CLEC16A: variants seen among roughly 807,000 people sequenced by gnomAD.
CLEC16A encodes the protein C-type lectin domain containing 16A.
Under a neutral mutation model 109.5 loss-of-function variants are expected in CLEC16A, and 51 were observed. The observed-to-expected ratio is 0.47, with a 90% CI of 0.37 to 0.59. The LOEUF is 0.59. Among genes scored for constraint, CLEC16A ranks in the 20% least tolerant of loss-of-function variants. CLEC16A has a pLI of 0.00. For synonymous variants in CLEC16A, 673 were observed against 564.2 expected (o/e 1.19, Z -2.73); for missense variants, 1,339 against 1,394.0 (o/e 0.96, Z 0.63).
chr16:11,166,763 C>A (rs531372014), intron 23 of CLEC16A, among the ~76,000 whole-genome samples: 215 of 152,284 alleles, frequency 1.4e-3, no homozygotes, highest in African/African-American at 4.8e-3. Flanking sequence ...AAGAATTGCT[C>A]CTTTTTCAGG....
intron 1 of CLEC16A, among the ~76,000 whole-genome samples, chr16:10,945,187 AATCT>A (rs1443111479): frequency 6.6e-6 from 1 of 152,176 alleles, no homozygotes; most frequent in Non-Finnish European, 1.5e-5. Context: ...TCTGGGTCCG[AATCT>A]ATCTGTGTGA....
At chr16:11,072,032 G>T (rs1168158018) in intron 19 of CLEC16A, among the ~76,000 whole-genome samples, 1 of 152,144 alleles carries the variant, frequency 6.6e-6, no homozygotes, top group Non-Finnish European at 1.5e-5. Flanking sequence ...ATAAAACTGT[G>T]TGTGTGTGCG....
chr16:11,049,412 A>G (rs2047814577), intron 17 of CLEC16A, among the ~76,000 whole-genome samples: 1 of 152,020 alleles, frequency 6.6e-6, no homozygotes. Context: ...ACAACAACAA[A>G]TACTCATGGG....
intron 22 of CLEC16A, among the ~76,000 whole-genome samples, chr16:11,127,679 G>A (rs2052922942): frequency 1.3e-5 from 2 of 152,024 alleles, no homozygotes; most frequent in Admixed American, 1.3e-4. Flanking sequence ...GACCAGCCTG[G>A]GCAACACAGT....
chr16:11,087,018 T>C (rs2050048255), intron 19 of CLEC16A, among the ~76,000 whole-genome samples: 1 of 152,234 alleles, frequency 6.6e-6, no homozygotes, highest in Non-Finnish European at 1.5e-5. Context: ...TCTTTGAATG[T>C]ACTCACAATT....
Position 11,181,098 on chromosome 16 carries a change from G to C in CLEC16A, c.*2408G>C, listed in dbSNP as rs2068940510. 1 of 152,242 alleles carries C rather than the reference G, an allele frequency of 6.6e-6. No homozygotes were observed. Among genetic ancestry groups the C allele is most frequent in the Non-Finnish European group, 1.5e-5 (1 of 68,060 alleles). The allele number at this position is 152,242 out of a possible 1,614,324, so 9.4% of individuals were successfully genotyped here. ...GGATTTCCTATAACCAGGGCTCCCAGAAGCTTTGCTTATGTAAGGAGGTCT... is the reference window on the plus strand; with the variant it reads ...GGATTTCCTATAACCAGGGCTCCCACAAGCTTTGCTTATGTAAGGAGGTCT... On this transcript the variant is annotated 3_prime_UTR_variant, in exon 24 of 24. Coordinates refer to ENST00000409790, the MANE Select transcript of CLEC16A (RefSeq NM_015226.3).
intron 19 of CLEC16A, among the ~76,000 whole-genome samples, chr16:11,068,738 C>G (rs2048899395): frequency 6.6e-6 from 1 of 152,230 alleles, no homozygotes. Flanking sequence ...ACAGTCAGCC[C>G]TATGTGTCCT....
At chr16:11,083,196 TC>T (rs1279415769) in intron 19 of CLEC16A, among the ~76,000 whole-genome samples, 1 of 151,990 alleles carries the variant, frequency 6.6e-6, no homozygotes, top group Non-Finnish European at 1.5e-5. Flanking sequence ...AGGGTCTTGC[TC>T]TGTTGCCCAG....
At chr16:11,104,959 C>T (rs1179315808) in intron 19 of CLEC16A, among the ~76,000 whole-genome samples, 2 of 152,202 alleles carry the variant, frequency 1.3e-5, no homozygotes, top group Admixed American at 6.5e-5. Flanking sequence ...GGCTGCTGAA[C>T]AGCGGGGAAG....
chr16:10,979,487 C>T, intron 9 of CLEC16A, 105 bp downstream of exon 9: 1 of 987,728 alleles, frequency 1.0e-6, no homozygotes, highest in Non-Finnish European at 1.5e-6. Flanking sequence ...TTCTCTGTCC[C>T]CCCCATGCTG....
chr16:10,945,583 C>T (rs1305505057), intron 1 of CLEC16A, among the ~76,000 whole-genome samples: 1 of 152,218 alleles, frequency 6.6e-6, no homozygotes, highest in Non-Finnish European at 1.5e-5. Context: ...CATTTACTGG[C>T]TGTGTGACCT....
intron 13 of CLEC16A, among the ~76,000 whole-genome samples, chr16:11,028,543 GAA>G (rs577834995): frequency 9.7e-5 from 12 of 123,348 alleles, no homozygotes; most frequent in Admixed American, 1.6e-4. Context: ...CTCTGCTGTG[GAA>G]AAAAAAAAAA....
intron 19 of CLEC16A, among the ~76,000 whole-genome samples, chr16:11,085,122 G>T (rs2049939633): frequency 6.6e-6 from 1 of 152,210 alleles, no homozygotes; most frequent in Admixed American, 6.5e-5. Flanking sequence ...GGGTTGAAAG[G>T]CACCTCTGTG....
intron 19 of CLEC16A, among the ~76,000 whole-genome samples, chr16:11,100,595 G>A (rs2050860650): frequency 1.3e-5 from 2 of 152,138 alleles, no homozygotes; most frequent in South Asian, 2.1e-4. Flanking sequence ...GGGGTCCTGG[G>A]AATTGACCTC....
intron 19 of CLEC16A, among the ~76,000 whole-genome samples, chr16:11,095,454 G>A (rs898257392): frequency 2.6e-5 from 4 of 152,146 alleles, no homozygotes; most frequent in Admixed American, 2.0e-4. Flanking sequence ...GACCACTCCA[G>A]GAACAGAGTC....
At chr16:11,090,617 G>A (rs1413609721) in intron 19 of CLEC16A, among the ~76,000 whole-genome samples, 1 of 152,008 alleles carries the variant, frequency 6.6e-6, no homozygotes, top group Non-Finnish European at 1.5e-5. Flanking sequence ...GTTTTAGGAG[G>A]CTCTCTGGAT....
chr16:10,971,370 A>G, intron 5 of CLEC16A, 140 bp downstream of exon 5: 1 of 822,026 alleles, frequency 1.2e-6, no homozygotes, highest in Non-Finnish European at 1.8e-6. Flanking sequence ...TCTCATGAAA[A>G]ACTTGGAATC....
rs2068641142 is a variant in CLEC16A, at chr16:11,174,069, C to T, written c.2807-4266C>T. On this transcript the variant is annotated intron_variant, in intron 23 of 23. Coordinates refer to ENST00000409790, the MANE Select transcript of CLEC16A (RefSeq NM_015226.3). The surrounding 1 kb of genome is among the most constrained non-coding windows in gnomAD (Gnocchi z 4.7). ...GCCCCTCGTCAGTGCTCAGCGTCCG[C>T]TGCTGCTCAGTGTCCCCTCCATGTC... is the stretch of plus-strand genomic sequence containing the variant. 4.8e-6 allele frequency: 2 copies of T among 420,062 alleles called. No individual in the cohort carries two copies. The highest frequency in any genetic ancestry group is 1.0e-5 in the Non-Finnish European group (2 of 199,718). The allele number at this position is 420,062 out of a possible 1,614,324, so 26.0% of individuals were successfully genotyped here. A position where few individuals can be genotyped will look rare whatever the true frequency, so the allele number is the denominator to read the frequency against.
chr16:10,970,825 C>T (rs2042745662), intron 4 of CLEC16A, among the ~76,000 whole-genome samples: 1 of 152,230 alleles, frequency 6.6e-6, no homozygotes, highest in South Asian at 2.1e-4. Context: ...CATCTCACTG[C>T]AGCCTCCAAC....
Sources: allele counts gnomAD v4.1 joint callset (sites outside exome capture counted in the v4.1 genomes callset), GRCh38; gene constraint gnomAD v4.1.1; non-coding constraint Gnocchi (gnomAD v3.1); transcripts MANE v1.5; gene names NCBI Gene and HGNC (gene_info 2026-07-23, HGNC 2026-07-21).